Variants in SEC14L3 observed in about 807,000 individuals in gnomAD.
The protein encoded by SEC14L3 is SEC14 like lipid binding 3, also known as SEC14-like protein 3.
SEC14L3 carries 56 observed loss-of-function variants against 57.4 expected under a neutral mutation model. The ratio of observed to expected loss-of-function variants is 0.97; its 90% CI spans 0.79 to 1.22. The LOEUF (loss-of-function observed/expected upper bound fraction) is 1.22, where lower values mean the gene tolerates loss of function less well. Ranked by LOEUF, SEC14L3 falls within the 50% of genes most tolerant of loss-of-function variation. The pLI, the probability that SEC14L3 is intolerant of heterozygous loss-of-function variation, is 0.00. For synonymous variants in SEC14L3, 173 were observed against 194.4 expected, an observed-to-expected ratio of 0.89 and a Z score of 0.92; for missense variants, 485 against 511.7, an observed-to-expected ratio of 0.95 and a Z score of 0.50.
chr22:30,456,010 C>T (rs1431640496), downstream of SEC14L3, among the ~76,000 whole-genome samples: 1 of 152,094 alleles, frequency 6.6e-6, no homozygotes, highest in Non-Finnish European at 1.5e-5. Context: ...TTTTGTGTTA[C>T]TATAAAGGAA....
rs376475550 is a variant in SEC14L3 at position 30,471,889 on chromosome 22, G to C, written c.54+16C>G. On this transcript the variant is annotated intron_variant, in intron 1 of 11. Coordinates refer to ENST00000215812, the MANE Select transcript of SEC14L3 (RefSeq NM_174975.5). The stretch of plus-strand genomic sequence containing the variant: ...TTCCCCTGGTCTTCCGGAACTCCAG[G>C]GGGAGGGGCTCTCACCTTGGCCAGG... The C allele has an allele frequency of 2.5e-6, 4 of 1,613,404 alleles. No homozygotes were observed. Among genetic ancestry groups the C allele is most frequent in the East Asian group, 2.2e-5 (1 of 44,790 alleles).
In SEC14L3 at chr22:30,459,819, C is replaced by T. The variant is rs78467477; in HGVS notation, c.*202G>A. ...CCCTTGCTTTTTCCTCTTCTGCAACCTTGGTACCCTCCAAGGTTGTGCCTC... is the reference window on the plus strand; with the variant it reads ...CCCTTGCTTTTTCCTCTTCTGCAACTTTGGTACCCTCCAAGGTTGTGCCTC... On this transcript the variant is annotated 3_prime_UTR_variant, in exon 12 of 12. Coordinates refer to ENST00000215812, the MANE Select transcript of SEC14L3 (RefSeq NM_174975.5). 1,920 of 1,272,016 alleles carry T rather than the reference C, an allele frequency of 1.5e-3. 35 individuals carry two copies. In the African/African-American group the frequency reaches 0.027, roughly 18 times the overall value. The allele number at this position is 1,272,016 out of a possible 1,614,324, so 78.8% of individuals were successfully genotyped here. A position where few individuals can be genotyped will look rare whatever the true frequency, so the allele number is the denominator to read the frequency against.
chr22:30,468,748 C>A (rs1346084579), intron 4 of SEC14L3, 52 bp from the exon 5 acceptor site: 4 of 1,613,958 alleles, frequency 2.5e-6, no homozygotes, highest in Non-Finnish European at 3.4e-6. Flanking sequence ...CCCTTGAGAC[C>A]CCAGACCAGG....
At chr22:30,452,717 CTT>C (rs71198554) in intron 12 of SEC14L3, among the ~76,000 whole-genome samples, 9 of 131,620 alleles carry the variant, frequency 6.8e-5, no homozygotes, top group Non-Finnish European at 9.8e-5. Flanking sequence ...TTCTTTCTTT[CTT>C]TTTTTTTTTT....
intron 12 of SEC14L3, among the ~76,000 whole-genome samples, chr22:30,452,710 T>C (rs1010871009): frequency 3.0e-4 from 42 of 139,734 alleles, no homozygotes; most frequent in Non-Finnish European, 9.7e-5. Flanking sequence ...TCTTTCTTTC[T>C]TTCTTTCTTT....
intron 1 of SEC14L3, chr22:30,471,262 A>G (rs1054948293): frequency 1.5e-5 from 7 of 454,870 alleles, no homozygotes; most frequent in African/African-American, 6.0e-5. Context: ...TCCAGCCTGG[A>G]TGACAGAGAC....
chr22:30,467,216 T>G (rs1935446117), intron 5 of SEC14L3, 139 bp from the exon 6 acceptor site: 1 of 1,131,934 alleles, frequency 8.8e-7, no homozygotes, highest in Non-Finnish European at 1.2e-6. Flanking sequence ...AACCAGTGAA[T>G]GCATTTCCCC....
At position 30,465,037 on chromosome 22, in the gene SEC14L3, C is replaced by T; in HGVS notation, c.581-134G>A. 3.7e-6 allele frequency: 5 copies of T among 1,353,336 alleles called. No homozygotes were observed. The South Asian group carries it at 7.5e-5, about 20-fold the overall frequency. 83.8% of individuals were successfully genotyped at this position (1,353,336 alleles called of 1,614,324 possible). ...ATTCCAGTGTCTGTCCTGCACCCAA[C>T]AAACCATCCAACCAACCAGTCAACC... On this transcript the variant is annotated intron_variant, in intron 7 of 11. Transcript: ENST00000215812.
chr22:30,469,996 G>A, intron 4 of SEC14L3, 23 bp downstream of exon 4: 1 of 1,506,404 alleles, frequency 6.6e-7, no homozygotes, highest in Non-Finnish European at 8.9e-7. Context: ...GAAAGACTGA[G>A]GTGTTTGGCG....
Position 30,460,266 on chromosome 22 carries a change from C to T in SEC14L3, c.1082-124G>A, listed in dbSNP as rs987844579. On this transcript the variant is annotated intron_variant, in intron 11 of 11. Transcript: ENST00000215812. ...TTTGTTTGCCAAGCTGGGCCAAGCT[C>T]CCACCACGCCTCTTCCCTTCCCCAT... is the stretch of plus-strand genomic sequence containing the variant. 5 of 1,499,978 alleles carry T rather than the reference C, an allele frequency of 3.3e-6. No individual in the cohort carries two copies. The Admixed American group carries it at 8.2e-5, about 25-fold the overall frequency. 92.9% of individuals were successfully genotyped at this position (1,499,978 alleles called of 1,614,324 possible).
intron 4 of SEC14L3, chr22:30,469,060 G>T: frequency 1.0e-6 from 1 of 982,958 alleles, no homozygotes; most frequent in Non-Finnish European, 1.4e-6. Context: ...GCTCATGCCT[G>T]TAATCCCAGC....
chr22:30,448,939 C>G (rs1325845369), exon 13 of SEC14L3: 1 of 671,308 alleles, frequency 1.5e-6, no homozygotes, highest in East Asian at 2.7e-5. Context: ...CTTCCTTGGT[C>G]TGCCCTAGGC....
chr22:30,467,087 T>A lies in SEC14L3; in HGVS notation c.424-10A>T, dbSNP rs1031229776. On this transcript the variant is annotated splice_polypyrimidine_tract_variant and intron_variant, in intron 5 of 11. Coordinates refer to ENST00000215812, the MANE Select transcript of SEC14L3 (RefSeq NM_174975.5). ...CAATCTTCTTCCCTAGCTGCAAGGA[T>A]GAGAGCAAGAAGTAGTTCTGGAGTT... 2 of 1,612,654 alleles carry A rather than the reference T, an allele frequency of 1.2e-6. No individual in the cohort carries two copies. Among genetic ancestry groups the A allele is most frequent in the Non-Finnish European group, 8.5e-7 (1 of 1,178,850 alleles).
intron 6 of SEC14L3, among the ~76,000 whole-genome samples, 188 bp downstream of exon 6, chr22:30,466,794 T>C (rs1382544546): frequency 6.6e-6 from 1 of 152,100 alleles, no homozygotes; most frequent in African/African-American, 2.4e-5. Flanking sequence ...CTCAGTACAG[T>C]GTTGTCCCTG....
downstream of SEC14L3, among the ~76,000 whole-genome samples, chr22:30,457,771 C>T (rs926231027): frequency 6.6e-6 from 1 of 151,854 alleles, no homozygotes; most frequent in African/African-American, 2.4e-5. Flanking sequence ...CCTCCTCCCT[C>T]CTCCTTCCCT....
chr22:30,449,123 C>T, exon 13 of SEC14L3: 1 of 1,550,560 alleles, frequency 6.4e-7, no homozygotes, highest in Non-Finnish European at 8.7e-7. Context: ...GCCTACTTAG[C>T]TTGCATTTTC....
rs958667456 is a variant in SEC14L3 at position 30,460,147 on chromosome 22, G to A, written c.1082-5C>T. The A allele has an allele frequency of 1.2e-6, 2 of 1,613,246 alleles. No individual in the cohort carries two copies. The highest frequency in any genetic ancestry group is 2.7e-5 in the African/African-American group (2 of 74,902). ...TGTTGTCGAAGCGTAGGACATCTGG[G>A]GGACAGATGGAAAGAGGGGCATTGG... is the stretch of plus-strand genomic sequence containing the variant. On this transcript the variant is annotated splice_polypyrimidine_tract_variant and splice_region_variant and intron_variant, in intron 11 of 11. Transcript: ENST00000215812.
intron 11 of SEC14L3, among the ~76,000 whole-genome samples, chr22:30,460,874 TCCTGGCTCACAGGTGAGCAAA>T (rs1935234390): frequency 6.7e-6 from 1 of 148,302 alleles, no homozygotes; most frequent in South Asian, 2.1e-4. Context: ...GCATTGTAAC[TCCTGGCTCACAGGTGAGCAAA>T]CCAAGGGTCC....
chr22:30,454,819 T>A (rs1269911880), downstream of SEC14L3, among the ~76,000 whole-genome samples: 14 of 37,816 alleles, frequency 3.7e-4, no homozygotes, highest in Non-Finnish European at 5.1e-4. Context: ...ATTTTATATA[T>A]TATAATATAA....
Sources: allele counts gnomAD v4.1 joint callset (sites outside exome capture counted in the v4.1 genomes callset), GRCh38; gene constraint gnomAD v4.1.1; transcripts MANE v1.5; gene names NCBI Gene and HGNC (gene_info 2026-07-23, HGNC 2026-07-21).